SGCD: variants seen among roughly 807,000 people sequenced by gnomAD.
SGCD encodes the protein sarcoglycan delta, also known as delta-sarcoglycan.
A neutral mutation model predicts 36.6 loss-of-function variants in SGCD; 18 were observed. The ratio of observed to expected loss-of-function variants is 0.49; its 90% CI spans 0.34 to 0.73. The LOEUF (loss-of-function observed/expected upper bound fraction) is 0.73. SGCD is among the 30% of genes least tolerant of loss of function. The pLI, the probability that SGCD is intolerant of heterozygous loss-of-function variation, is 0.01. For synonymous variants in SGCD, 133 were observed against 130.6 expected (o/e 1.02, Z -0.12); for missense variants, 387 against 346.7 (o/e 1.12, Z -0.92).
the SGCD span, among the ~76,000 whole-genome samples, chr5:155,738,795 TGTA>T: frequency 2.0e-5 from 3 of 146,418 alleles, no homozygotes; most frequent in African/African-American, 7.7e-5. Context: ...TGAGTGTGCA[TGTA>T]GTGTGTGTAA....
At position 156,297,239 on chromosome 5, in the gene SGCD, A is replaced by G. The variant is rs370147079; in HGVS notation, c.-43-32295A>G. Among the ~76,000 whole-genome samples the G allele has an allele frequency of 8.2e-4, 125 of 152,260 alleles. No homozygotes were observed. The East Asian group carries it at 0.022, about 26-fold the overall frequency. On this transcript the variant is annotated intron_variant, in intron 3 of 9. Coordinates refer to the SGCD transcript ENST00000517913. ...GTGGAAGTCAGTGTGGCGATTCCTCAGGGATCTAGAACTGGAAATACCATT... is the reference window on the plus strand; with the variant it reads ...GTGGAAGTCAGTGTGGCGATTCCTCGGGGATCTAGAACTGGAAATACCATT...
chr5:156,571,994 A>G (rs911051437), intron 4 of SGCD, among the ~76,000 whole-genome samples: 2 of 152,246 alleles, frequency 1.3e-5, no homozygotes, highest in Non-Finnish European at 2.9e-5. Flanking sequence ...GATAAATAGT[A>G]TCATATAGTA....
At chr5:155,999,666 C>A (rs533484693) in intron 1 of SGCD, among the ~76,000 whole-genome samples, 1 of 152,192 alleles carries the variant, frequency 6.6e-6, no homozygotes, top group South Asian at 2.1e-4. Context: ...ACAAAGGTGT[C>A]TTTCGTCTTC....
intron 3 of SGCD, among the ~76,000 whole-genome samples, chr5:156,151,652 C>T (rs1372028352): frequency 2.0e-5 from 3 of 151,462 alleles, no homozygotes; most frequent in Non-Finnish European, 4.4e-5. Flanking sequence ...CCTAGGTTCC[C>T]TTCCAGGATA....
intron 7 of SGCD, among the ~76,000 whole-genome samples, chr5:156,672,445 C>T (rs1753336628): frequency 7.2e-5 from 11 of 152,116 alleles, no homozygotes; most frequent in Admixed American, 6.5e-4. Flanking sequence ...TGCAGCCCCA[C>T]CAGATGCTCC....
At chr5:155,937,136 C>G (rs376347850) in intron 1 of SGCD, among the ~76,000 whole-genome samples, 1 of 152,280 alleles carries the variant, frequency 6.6e-6, no homozygotes, top group African/African-American at 2.4e-5. Context: ...CTGCTCCCAG[C>G]CCCAAAGAGC....
chr5:156,159,016 CA>C (rs1216084413), intron 3 of SGCD, among the ~76,000 whole-genome samples: 2 of 151,546 alleles, frequency 1.3e-5, no homozygotes, highest in Non-Finnish European at 2.9e-5. Context: ...TGAGAAGCAG[CA>C]TGCTATCTTT....
At chr5:156,125,196 C>A (rs1213077291) in intron 3 of SGCD, among the ~76,000 whole-genome samples, 1 of 152,202 alleles carries the variant, frequency 6.6e-6, no homozygotes, top group African/African-American at 2.4e-5. Context: ...AATAATCCTT[C>A]ATAACCCAAA....
In SGCD at chr5:156,759,487, T is replaced by C; in HGVS notation, c.*97T>C. ...TTTTTACTAGAACACAGAAAGCCTA[T>C]CAAAGACCTTGTGTGTATGTGTACG... is the stretch of plus-strand genomic sequence containing the variant. On this transcript the variant is annotated 3_prime_UTR_variant, in exon 9 of 9. Transcript: ENST00000337851. The C allele has an allele frequency of 1.2e-6, 1 of 835,082 alleles. No homozygotes were observed. Among genetic ancestry groups the C allele is most frequent in the South Asian group, 1.8e-5 (1 of 56,692 alleles). The allele number at this position is 835,082 out of a possible 1,614,324, so 51.7% of individuals were successfully genotyped here.
chr5:156,255,992 A>G (rs933197860), intron 3 of SGCD, among the ~76,000 whole-genome samples: 4 of 152,176 alleles, frequency 2.6e-5, no homozygotes, highest in Non-Finnish European at 5.9e-5. Flanking sequence ...GTGAGGTGAT[A>G]AAGATACTCC....
intron 3 of SGCD, among the ~76,000 whole-genome samples, chr5:156,198,508 G>A (rs927043574): frequency 6.6e-6 from 1 of 152,070 alleles, no homozygotes; most frequent in African/African-American, 2.4e-5. Context: ...GCATAGAGTG[G>A]TTGGTAACTT....
intron 3 of SGCD, among the ~76,000 whole-genome samples, chr5:156,237,382 T>C (rs1765192732): frequency 1.3e-5 from 2 of 151,722 alleles, no homozygotes; most frequent in Non-Finnish European, 2.9e-5. Flanking sequence ...CTCAGCACTT[T>C]GGGAGGCCGA....
At chr5:156,008,554 T>C (rs540271693) in intron 1 of SGCD, among the ~76,000 whole-genome samples, 4 of 152,238 alleles carry the variant, frequency 2.6e-5, no homozygotes, top group South Asian at 4.1e-4. Flanking sequence ...TTTTTAATTC[T>C]TTGTAGAGAT....
chr5:156,605,992 G>A (rs927829982), intron 6 of SGCD, among the ~76,000 whole-genome samples: 1 of 152,076 alleles, frequency 6.6e-6, no homozygotes, highest in African/African-American at 2.4e-5. Context: ...CCATTCTGTG[G>A]GTTGCCCGTT....
intron 1 of SGCD, among the ~76,000 whole-genome samples, chr5:156,067,867 T>C (rs1251245956): frequency 7.5e-6 from 1 of 132,802 alleles, no homozygotes; most frequent in Non-Finnish European, 1.5e-5. Context: ...ATGAACCCGG[T>C]ACCTCAGATG....
chr5:155,983,462 A>G (rs971408220), intron 1 of SGCD, among the ~76,000 whole-genome samples: 8 of 152,046 alleles, frequency 5.3e-5, no homozygotes, highest in Non-Finnish European at 1.0e-4. Flanking sequence ...ACCATGCCCA[A>G]CTAATTTTTG....
chr5:156,455,969 C>T (rs1422185661), intron 3 of SGCD, among the ~76,000 whole-genome samples: 4 of 152,062 alleles, frequency 2.6e-5, no homozygotes, highest in Non-Finnish European at 4.4e-5. Context: ...TGGCCAGAAG[C>T]GAGGGAGAAG....
chr5:155,966,184 T>G (rs2113457831), intron 1 of SGCD, among the ~76,000 whole-genome samples: 1 of 152,258 alleles, frequency 6.6e-6, no homozygotes, highest in South Asian at 2.1e-4. Context: ...AACCAACACC[T>G]TTTAATATAT....
chr5:156,232,323 A>G (rs1765039880), intron 3 of SGCD, among the ~76,000 whole-genome samples: 1 of 152,204 alleles, frequency 6.6e-6, no homozygotes, highest in African/African-American at 2.4e-5. Flanking sequence ...GGGCACCTCC[A>G]ATATCTGCTT....
Sources: gnomAD v4.1 joint callset for allele counts (sites outside exome capture counted in the v4.1 genomes callset) on GRCh38, gnomAD v4.1.1 for gene constraint, MANE v1.5 for transcripts, NCBI Gene and HGNC (gene_info 2026-07-23, HGNC 2026-07-21) for gene names.